Variants in ATP9B observed in about 807,000 individuals in gnomAD.
ATP9B encodes the protein ATPase phospholipid transporting 9B.
A neutral mutation model predicts 146.1 loss-of-function variants in ATP9B; 110 were observed. That is an observed-to-expected ratio of 0.75 (90% CI 0.65 to 0.88). ATP9B has a LOEUF of 0.88. Among genes scored for constraint, ATP9B ranks in the 40% least tolerant of loss-of-function variants. The pLI is 0.00. For synonymous variants in ATP9B, 604 were observed against 569.7 expected (o/e 1.06, Z -0.86); for missense variants, 1,499 against 1,496.4 (o/e 1.00, Z -0.03).
At chr18:79,165,166 G>A (rs548090450) in intron 7 of ATP9B, among the ~76,000 whole-genome samples, 14 of 152,242 alleles carry the variant, frequency 9.2e-5, no homozygotes, top group Non-Finnish European at 1.5e-4. Flanking sequence ...TTAAAAAACT[G>A]AGGTCTAACA....
chr18:79,253,256 T>C, intron 11 of ATP9B, 125 bp from the exon 12 acceptor site: 1 of 796,838 alleles, frequency 1.3e-6, no homozygotes, highest in Non-Finnish European at 1.9e-6. Flanking sequence ...TATTTCATTA[T>C]AATAAAGGCT....
intron 28 of ATP9B, among the ~76,000 whole-genome samples, chr18:79,374,659 T>C (rs1211272895): frequency 6.6e-6 from 1 of 152,286 alleles, no homozygotes; most frequent in Non-Finnish European, 1.5e-5. Context: ...TGTCCTCGTC[T>C]CAGTGCCTGA....
intron 9 of ATP9B, among the ~76,000 whole-genome samples, chr18:79,206,197 C>T (rs2095532024): frequency 6.6e-6 from 1 of 152,168 alleles, no homozygotes; most frequent in South Asian, 2.1e-4. Flanking sequence ...ACCTCGGCCT[C>T]CCAAAGTGCT....
At chr18:79,159,750 C>G (rs2094850192) in intron 7 of ATP9B, among the ~76,000 whole-genome samples, 1 of 152,182 alleles carries the variant, frequency 6.6e-6, no homozygotes, top group African/African-American at 2.4e-5. Flanking sequence ...GCTTTGCAGC[C>G]AAACCTTTTG....
intron 10 of ATP9B, among the ~76,000 whole-genome samples, chr18:79,211,937 A>G (rs1359799512): frequency 6.6e-6 from 1 of 152,192 alleles, no homozygotes; most frequent in Non-Finnish European, 1.5e-5. Flanking sequence ...TGAGTGAGAA[A>G]TCTTTGTGAC....
chr18:79,333,960 A>T (rs2096805442), intron 17 of ATP9B, among the ~76,000 whole-genome samples: 1 of 152,196 alleles, frequency 6.6e-6, no homozygotes, highest in East Asian at 1.9e-4. Context: ...CTGGATGGAG[A>T]GTCTTAAGCA....
At chr18:79,292,531 A>C (rs985689822) in intron 13 of ATP9B, among the ~76,000 whole-genome samples, 1 of 152,190 alleles carries the variant, frequency 6.6e-6, no homozygotes, top group African/African-American at 2.4e-5. Flanking sequence ...TGTAATACCT[A>C]CTAAAATCCC....
intron 13 of ATP9B, among the ~76,000 whole-genome samples, chr18:79,280,030 T>C (rs888396762): frequency 3.3e-5 from 5 of 152,234 alleles, no homozygotes; most frequent in African/African-American, 4.8e-5. Context: ...CATAAGAGTA[T>C]TCACAGCATT....
Position 79,165,703 on chromosome 18 carries a change from C to T in ATP9B, c.779-11110C>T, listed in dbSNP as rs369101499. Among the ~76,000 whole-genome samples, 38 of 152,242 alleles carry T rather than the reference C, an allele frequency of 2.5e-4. 3 individuals carry two copies. Among genetic ancestry groups the T allele is most frequent in the East Asian group, 1.4e-3 (7 of 5,152 alleles). On this transcript the variant is annotated intron_variant, in intron 7 of 29. Transcript: ENST00000426216. The stretch of plus-strand genomic sequence containing the variant: ...CCAGCTCCATGTGCAGGAAGCTCTA[C>T]TCTAAGCCCATGCAGCCAAAAAGTC...
intron 12 of ATP9B, among the ~76,000 whole-genome samples, chr18:79,271,542 T>C (rs1348186674): frequency 7.2e-5 from 11 of 152,176 alleles, no homozygotes; most frequent in Admixed American, 3.3e-4. Flanking sequence ...TCCAGCTTCA[T>C]CCATGTCCCT....
rs544151933 is a variant in ATP9B at position 79,093,885 on chromosome 18, A to G, written c.120-2591A>G. On this transcript the variant is annotated intron_variant, in intron 1 of 29. Transcript: ENST00000426216. Reference sequence around the variant, plus strand: ...ATATAATGGCTGTTTTAAAATTCCAATATGTTTTTCATACTGCAATTAGCA... The same window carrying G: ...ATATAATGGCTGTTTTAAAATTCCAGTATGTTTTTCATACTGCAATTAGCA... Among the ~76,000 whole-genome samples, 317 of 152,306 alleles carry G rather than the reference A, an allele frequency of 2.1e-3. 3 individuals carry two copies. The highest frequency in any genetic ancestry group is 3.5e-3 in the Non-Finnish European group (237 of 68,032).
At chr18:79,348,802 C>T (rs1051977009) in intron 25 of ATP9B, among the ~76,000 whole-genome samples, 1 of 152,108 alleles carries the variant, frequency 6.6e-6, no homozygotes, top group Non-Finnish European at 1.5e-5. Context: ...GCTAACATGG[C>T]GAAACCCTGT....
At chr18:79,324,670 T>C (rs938184825) in intron 15 of ATP9B, among the ~76,000 whole-genome samples, 2 of 149,056 alleles carry the variant, frequency 1.3e-5, no homozygotes, top group African/African-American at 5.0e-5. Context: ...GGCCCTTACA[T>C]GCAGGGTTGA....
chr18:79,118,390 GTTTTTTTTTTTTTTTTT>G (rs752788043), intron 4 of ATP9B, among the ~76,000 whole-genome samples: 2 of 93,278 alleles, frequency 2.1e-5, no homozygotes, highest in Admixed American at 1.3e-4. Context: ...GAACGTTTTT[GTTTTTTTTTTTTTTTTT>G]TTTTTTTTTT....
intron 11 of ATP9B, among the ~76,000 whole-genome samples, chr18:79,234,000 G>A (rs1045478227): frequency 1.3e-5 from 2 of 152,208 alleles, no homozygotes; most frequent in African/African-American, 4.8e-5. Context: ...GGCTGAGGAG[G>A]AGGAGGAAGG....
chr18:79,203,685 GCTT>G (rs1336344063), intron 9 of ATP9B, among the ~76,000 whole-genome samples: 2 of 152,124 alleles, frequency 1.3e-5, no homozygotes, highest in African/African-American at 4.8e-5. Context: ...AAATTTTATT[GCTT>G]CAAGTTTTAA....
At chr18:79,071,680 T>C (rs2071844848) in intron 1 of ATP9B, among the ~76,000 whole-genome samples, 1 of 152,120 alleles carries the variant, frequency 6.6e-6, no homozygotes, top group Admixed American at 6.5e-5. Context: ...TGCCATTCTT[T>C]TCTTAGCACT....
chr18:79,295,563 T>C (rs2096541878), intron 13 of ATP9B, among the ~76,000 whole-genome samples: 1 of 152,244 alleles, frequency 6.6e-6, no homozygotes, highest in Non-Finnish European at 1.5e-5. Context: ...TCCCATTTTC[T>C]TTTTAAATTT....
chr18:79,161,832 C>T (rs1040138184), intron 7 of ATP9B, among the ~76,000 whole-genome samples: 6 of 151,990 alleles, frequency 3.9e-5, no homozygotes, highest in African/African-American at 1.4e-4. Context: ...GGTGACAGAG[C>T]GAGACTCCGT....
Sources: gnomAD v4.1 joint callset for allele counts (sites outside exome capture counted in the v4.1 genomes callset) on GRCh38, gnomAD v4.1.1 for gene constraint, MANE v1.5 for transcripts, NCBI Gene and HGNC (gene_info 2026-07-23, HGNC 2026-07-21) for gene names.